ARHGEF12: variants seen among roughly 807,000 people sequenced by gnomAD.
ARHGEF12 encodes Rho guanine nucleotide exchange factor 12, also known as KMT2A/ARHGEF12 fusion protein.
Under a neutral mutation model 211.2 loss-of-function variants are expected in ARHGEF12, and 66 were observed. That is an observed-to-expected ratio of 0.31 (90% confidence interval 0.26 to 0.38). The LOEUF (loss-of-function observed/expected upper bound fraction) is 0.38. ARHGEF12 is among the 10% of genes least tolerant of loss of function. ARHGEF12 has a pLI of 1.00. For missense variants in ARHGEF12, 1,429 were observed against 1,869.5 expected (o/e 0.76, Z 4.34); for synonymous variants, 592 against 638.4 (o/e 0.93, Z 1.09).
rs1276838370 is a variant in ARHGEF12 at position 120,461,712 on chromosome 11, C to G, written c.2613+955C>G. On this transcript the variant is annotated intron_variant, in intron 27 of 40. Coordinates refer to ENST00000397843, the MANE Select transcript of ARHGEF12 (RefSeq NM_015313.3). The stretch of plus-strand genomic sequence containing the variant: ...GAATATCTGTTGTTCAGTGTAGCCA[C>G]TGTAATCAATTATCTCAGGTACGTC... Among the ~76,000 whole-genome samples, 10 of 152,228 alleles carry G rather than the reference C, an allele frequency of 6.6e-5. No homozygotes were observed. In the East Asian group the frequency reaches 1.9e-3, roughly 29 times the overall value.
rs981513698 is a variant in ARHGEF12 at position 120,486,069 on chromosome 11, G to A, written c.*992G>A. 4.3e-6 allele frequency: 1 copy of A among 233,406 alleles called. No individual in the cohort carries two copies. Among genetic ancestry groups the A allele is most frequent in the East Asian group, 6.0e-5 (1 of 16,594 alleles). The allele number at this position is 233,406 out of a possible 1,614,324, so 14.5% of individuals were successfully genotyped here. A position where few individuals can be genotyped will look rare whatever the true frequency, so the allele number is the denominator to read the frequency against. On this transcript the variant is annotated 3_prime_UTR_variant, in exon 41 of 41. Transcript: ENST00000397843. ...AAATGCTTCGGATAGTGGCAGGGGT[G>A]GGGGTTGCTAAGGAAAGGGTGGGAT... is the stretch of plus-strand genomic sequence containing the variant.
In ARHGEF12 at chr11:120,385,477, G is replaced by A. The variant is rs149747389; in HGVS notation, c.33-20641G>A. 2.2e-5 allele frequency: 22 copies of A among 985,166 alleles called. No individual in the cohort carries two copies. In the South Asian group the frequency reaches 5.6e-4, roughly 25 times the overall value. 61.0% of individuals were successfully genotyped at this position (985,166 alleles called of 1,614,324 possible). On this transcript the variant is annotated intron_variant, in intron 1 of 40. Coordinates refer to ENST00000397843, the MANE Select transcript of ARHGEF12 (RefSeq NM_015313.3). ...CTTTTGCTTGTCTGCTGATTTGTCC[G>A]GTGATCCAGGTAATCTACTGCAGTC... is the stretch of plus-strand genomic sequence containing the variant.
chr11:120,467,427 G>C, intron 29 of ARHGEF12, 119 bp downstream of exon 29: 4 of 363,884 alleles, frequency 1.1e-5, no homozygotes, highest in South Asian at 4.6e-5. Context: ...AGTATGACAA[G>C]ATTTTCTTTT....
At chr11:120,351,369 A>G in intron 1 of ARHGEF12, among the ~76,000 whole-genome samples, 1 of 129,224 alleles carries the variant, frequency 7.7e-6, no homozygotes, top group Non-Finnish European at 1.6e-5. Context: ...AAAAAAGGTG[A>G]AATTTAGGCC....
At position 120,446,237 on chromosome 11, in the gene ARHGEF12, T is replaced by TAATAATAATAAA. The variant is rs1435691305; in HGVS notation, c.1346-165_1346-164insATAATAATAAAA. Among the ~76,000 whole-genome samples, 517 of 142,596 alleles carry TAATAATAATAAA rather than the reference T, an allele frequency of 3.6e-3. 12 individuals are homozygous for TAATAATAATAAA. In the South Asian group the frequency reaches 0.056, roughly 15 times the overall value. 93.5% of individuals were successfully genotyped at this position (142,596 alleles called of 152,430 possible). A position where few individuals can be genotyped will look rare whatever the true frequency, so the allele number is the denominator to read the frequency against. On this transcript the variant is annotated intron_variant, in intron 16 of 40. Transcript: ENST00000397843. The stretch of plus-strand genomic sequence containing the variant: ...ATAATAATAATAATAATAATAATAA[T>TAATAATAATAAA]AGAGTAAATGAAATCAGAATTCTGG...
chr11:120,385,329 C>T (rs1943997992), intron 1 of ARHGEF12: 3 of 985,228 alleles, frequency 3.0e-6, no homozygotes, highest in Admixed American at 6.2e-5. Flanking sequence ...GTAAAATCAT[C>T]TGACAAATGC....
At chr11:120,460,197 CACTA>C (rs1174524028) in intron 26 of ARHGEF12, among the ~76,000 whole-genome samples, 18 of 152,180 alleles carry the variant, frequency 1.2e-4, no homozygotes, top group Admixed American at 1.1e-3. Flanking sequence ...TTCATGTCAT[CACTA>C]ACTATCAACA....
In ARHGEF12 at chr11:120,377,166, G is replaced by A. The variant is rs181680415; in HGVS notation, c.33-28952G>A. Among the ~76,000 whole-genome samples the A allele has an allele frequency of 1.1e-4, 16 of 152,162 alleles. No individual in the cohort carries two copies. In the East Asian group the frequency reaches 2.9e-3, roughly 28 times the overall value. On this transcript the variant is annotated intron_variant, in intron 1 of 40. Coordinates refer to ENST00000397843, the MANE Select transcript of ARHGEF12 (RefSeq NM_015313.3). ...TTCACTCATTTTAAGTGTGTACTTCGATGAGCTTTGACAAGTGTGTATACT... is the reference window on the plus strand; with the variant it reads ...TTCACTCATTTTAAGTGTGTACTTCAATGAGCTTTGACAAGTGTGTATACT...
intron 1 of ARHGEF12, chr11:120,385,275 G>A (rs1470320197): frequency 2.0e-6 from 2 of 984,080 alleles, no homozygotes; most frequent in Non-Finnish European, 2.4e-6. Context: ...GATTGGGGGT[G>A]GGAGAAGAGG....
intron 22 of ARHGEF12, among the ~76,000 whole-genome samples, chr11:120,455,246 C>G (rs1013116080): frequency 2.7e-4 from 41 of 152,132 alleles, no homozygotes; most frequent in Non-Finnish European, 7.3e-5. Context: ...GAATACCCAT[C>G]TTCAGGTGGA....
intron 1 of ARHGEF12, among the ~76,000 whole-genome samples, chr11:120,403,638 A>G (rs985042735): frequency 1.2e-4 from 19 of 152,224 alleles, no homozygotes; most frequent in African/African-American, 4.3e-4. Flanking sequence ...TGTTAATAGA[A>G]AAATACACAC....
chr11:120,474,587 A>C lies in ARHGEF12; in HGVS notation c.3061A>C (p.Ile1021Leu). 6.2e-7 allele frequency: 1 copy of C among 1,611,962 alleles called. No individual in the cohort carries two copies. The highest frequency in any genetic ancestry group is 1.1e-5 in the South Asian group (1 of 90,438). ...TTTGGATTTAACAAAAAGGAAGATG[A>C]TTCATGAAGGGCCATTGGTTTGGAA... Reference protein sequence around the residue: ...RNLDLTKRKMIHEGPLVWKVN... With the variant: ...RNLDLTKRKMLHEGPLVWKVN... Residue 1021 changes from isoleucine (I) to leucine (L), a missense_variant, in exon 32 of 41, where the codon ATT (isoleucine) becomes CTT (leucine). Transcript: ENST00000397843.
intron 1 of ARHGEF12, among the ~76,000 whole-genome samples, chr11:120,390,172 A>G (rs780984085): frequency 6.6e-6 from 1 of 152,082 alleles, no homozygotes; most frequent in African/African-American, 2.4e-5. Flanking sequence ...TCTGCATTTC[A>G]GGTCTGTGAT....
At chr11:120,457,618 T>C (rs905554271) in intron 23 of ARHGEF12, 103 bp from the exon 24 acceptor site, 2 of 763,642 alleles carry the variant, frequency 2.6e-6, no homozygotes, top group South Asian at 6.2e-5. Context: ...CAAAGAATTA[T>C]TTATCAAGCT....
At chr11:120,342,583 T>G (rs1361765769) in intron 1 of ARHGEF12, among the ~76,000 whole-genome samples, 1 of 152,228 alleles carries the variant, frequency 6.6e-6, no homozygotes, top group African/African-American at 2.4e-5. Context: ...CATTAGCTTT[T>G]TCTCAGTTGC....
rs1425047232 is a variant in ARHGEF12 at position 120,457,736 on chromosome 11, G to A, written c.2205G>A (p.Gly735=). ...ECEVERVTEH[G]TPKPFRKFDS... ...ATTGTTTTAGGGTGACTGAACATGG[G>A]ACACCAAAGCCCTTTCGAAAGTAAG... Residue 735 remains glycine, a synonymous_variant, in exon 24 of 41, where the codon GGG becomes GGA. Transcript: ENST00000397843. 6.2e-7 allele frequency: 1 copy of A among 1,608,520 alleles called. No individual in the cohort carries two copies. The highest frequency in any genetic ancestry group is 8.5e-7 in the Non-Finnish European group (1 of 1,177,558).
At chr11:120,337,414 C>A in intron 1 of ARHGEF12, 139 bp downstream of exon 1, 1 of 1,493,412 alleles carries the variant, frequency 6.7e-7, no homozygotes, top group Non-Finnish European at 8.9e-7. Context: ...GTGCAGTTAG[C>A]CTGGGGTTGC....
chr11:120,386,030 T>C (rs192079904), intron 1 of ARHGEF12, among the ~76,000 whole-genome samples: 14 of 152,266 alleles, frequency 9.2e-5, no homozygotes, highest in Admixed American at 2.6e-4. Context: ...GGAAACTAAA[T>C]TGAAATATAT....
chr11:120,372,439 G>A (rs1943615582), intron 1 of ARHGEF12, among the ~76,000 whole-genome samples: 1 of 151,964 alleles, frequency 6.6e-6, no homozygotes, highest in Admixed American at 6.6e-5. Context: ...ACTATACCCT[G>A]TCATATACTG....
Sources: gnomAD v4.1 joint callset for allele counts (sites outside exome capture counted in the v4.1 genomes callset) on GRCh38, gnomAD v4.1.1 for gene constraint, MANE v1.5 for transcripts, NCBI Gene and HGNC (gene_info 2026-07-23, HGNC 2026-07-21) for gene names.